Variants in NEK5 observed in about 807,000 individuals in gnomAD.
NEK5 encodes the protein serine/threonine-protein kinase Nek5.
NEK5 carries 88 observed loss-of-function variants against 109.2 expected under a neutral mutation model. The ratio of observed to expected loss-of-function variants is 0.81; its 90% CI spans 0.68 to 0.96. The LOEUF is 0.96. Among genes scored for constraint, NEK5 ranks in the 40% least tolerant of loss-of-function variants. NEK5 has a pLI of 0.00. For missense variants in NEK5, 834 were observed against 920.7 expected (o/e 0.91, Z 1.22); for synonymous variants, 283 against 299.9 (o/e 0.94, Z 0.58).
intron 21 of NEK5, chr13:52,064,748 T>C (rs886885682): frequency 1.7e-5 from 4 of 238,252 alleles, no homozygotes; most frequent in South Asian, 8.8e-5. Context: ...GAAGTAGACA[T>C]GGGAGACTTT....
chr13:52,089,917 G>A (rs1220551550), intron 13 of NEK5, among the ~76,000 whole-genome samples: 2 of 151,126 alleles, frequency 1.3e-5, no homozygotes, highest in African/African-American at 2.4e-5. Context: ...AGCCAAAATC[G>A]CACCACTGCA....
intron 3 of NEK5, among the ~76,000 whole-genome samples, chr13:52,121,871 CCAAA>C (rs1955976678): frequency 1.3e-5 from 2 of 151,442 alleles, no homozygotes; most frequent in Admixed American, 6.6e-5. Flanking sequence ...AAAAAACCAA[CCAAA>C]CAATGTAATT....
At chr13:52,070,232 C>T (rs1011919237) in intron 20 of NEK5, among the ~76,000 whole-genome samples, 5 of 152,044 alleles carry the variant, frequency 3.3e-5, no homozygotes, top group African/African-American at 1.2e-4. Flanking sequence ...GGAAAGAGGC[C>T]ATGCTGGGAT....
chr13:52,103,272 TA>T (rs1955579235), intron 9 of NEK5, among the ~76,000 whole-genome samples: 1 of 151,950 alleles, frequency 6.6e-6, no homozygotes, highest in South Asian at 2.1e-4. Context: ...CTACTAAAAA[TA>T]CAAAAAAATT....
intron 20 of NEK5, among the ~76,000 whole-genome samples, chr13:52,068,828 C>G (rs1404118280): frequency 2.6e-5 from 4 of 151,966 alleles, no homozygotes; most frequent in Non-Finnish European, 5.9e-5. Flanking sequence ...TAAAAATCAG[C>G]TAGGCGTGGT....
intron 4 of NEK5, among the ~76,000 whole-genome samples, chr13:52,117,972 T>A (rs576066915): frequency 6.6e-6 from 1 of 152,306 alleles, no homozygotes; most frequent in South Asian, 2.1e-4. Context: ...GTGGCTTTCC[T>A]TGAAAGTTAT....
intron 13 of NEK5, among the ~76,000 whole-genome samples, chr13:52,089,990 G>GA (rs990871588): frequency 2.6e-5 from 4 of 151,660 alleles, no homozygotes; most frequent in South Asian, 2.1e-4. Context: ...GAAAAGAAAA[G>GA]AAAAAAAAGA....
At chr13:52,088,208 C>CT (rs1341443699) in intron 14 of NEK5, among the ~76,000 whole-genome samples, 11 of 151,986 alleles carry the variant, frequency 7.2e-5, no homozygotes, top group Admixed American at 7.2e-4. Context: ...GGATTACAGG[C>CT]ATGAGCCATA....
At chr13:52,041,122 G>A (rs1327227767) in intron 23 of NEK5, among the ~76,000 whole-genome samples, 2 of 152,052 alleles carry the variant, frequency 1.3e-5, no homozygotes, top group Non-Finnish European at 2.9e-5. Context: ...AACAAAATGA[G>A]CCCACAAACT....
At chr13:52,110,781 A>C (rs1261298130) in intron 5 of NEK5, among the ~76,000 whole-genome samples, 1 of 152,212 alleles carries the variant, frequency 6.6e-6, no homozygotes, top group African/African-American at 2.4e-5. Context: ...AAATGGAGGC[A>C]CAGAAAAGTA....
chr13:52,117,079 C>T (rs776484112), intron 4 of NEK5, among the ~76,000 whole-genome samples: 2 of 152,086 alleles, frequency 1.3e-5, no homozygotes, highest in Admixed American at 6.6e-5. Flanking sequence ...CCACCATGCC[C>T]GGCTAAACGT....
intron 20 of NEK5, among the ~76,000 whole-genome samples, chr13:52,070,620 T>C (rs1954768529): frequency 6.6e-6 from 1 of 152,230 alleles, no homozygotes; most frequent in African/African-American, 2.4e-5. Flanking sequence ...TCCACCATGA[T>C]TGTGAGGCTT....
chr13:52,128,885 C>T (rs1956121708), intron 1 of NEK5, 144 bp downstream of exon 1: 1 of 152,350 alleles, frequency 6.6e-6, no homozygotes, highest in South Asian at 2.1e-4. Context: ...GACGCTACAC[C>T]CACACAGCCC....
intron 9 of NEK5, among the ~76,000 whole-genome samples, chr13:52,102,892 AC>A (rs1425360694): frequency 2.0e-5 from 3 of 152,188 alleles, no homozygotes; most frequent in Non-Finnish European, 4.4e-5. Context: ...AGTTATAAAG[AC>A]AGGGGAAAAT....
At chr13:52,086,671 A>C (rs1955149927) in intron 15 of NEK5, among the ~76,000 whole-genome samples, 1 of 152,130 alleles carries the variant, frequency 6.6e-6, no homozygotes. Context: ...CCCCAAAAAG[A>C]GATATGTTGA....
chr13:52,064,573 G>A (rs1320528524), intron 21 of NEK5, among the ~76,000 whole-genome samples: 1 of 152,002 alleles, frequency 6.6e-6, no homozygotes, highest in African/African-American at 2.4e-5. Flanking sequence ...CGCCCCTACT[G>A]GGATGTGAGG....
rs777864058 is a variant in NEK5 at position 52,127,454 on chromosome 13, A to G, written c.29T>C (p.Ile10Thr). Residue 10 changes from isoleucine to threonine, a missense_variant, in exon 3 of 24, where the codon ATC becomes ACC. Around this residue, in one of 2 missense-constraint regions of NEK5, gnomAD observed 777 missense variants for 824.7 expected, o/e 0.94. Transcript: ENST00000684899. MDKYDVIKAIGQGAFGKAYL... is the reference protein window; with the variant it reads MDKYDVIKATGQGAFGKAYL... ...TGCTTTCCCGAAGGCACCTTGCCCG[A>G]TGGCCTTAATCACATCGTACTTATC... is the stretch of plus-strand genomic sequence containing the variant. The G allele has an allele frequency of 6.2e-7, 1 of 1,610,742 alleles. No homozygotes were observed. Among genetic ancestry groups the G allele is most frequent in the South Asian group, 1.1e-5 (1 of 91,024 alleles).
Position 52,093,115 on chromosome 13 carries a change from C to G in NEK5, c.1147G>C (p.Glu383Gln). The part of the protein sequence containing the change: ...HKPSYHPIPQ[E>Q]NTGVEDYGQE... ...CCGTAATCCTCAACTCCAGTATTTT[C>G]TTGAGGAATAGGGTGATAACTTGGT... Residue 383 changes from glutamate (E) to glutamine (Q), a missense_variant, in exon 13 of 24, where the codon GAA (glutamate) becomes CAA (glutamine). This residue lies in a region of NEK5 where 777 missense variants were observed against 824.7 expected (regional missense o/e 0.94). Coordinates refer to ENST00000684899, the MANE Select transcript of NEK5 (RefSeq NM_001365552.1). 1 of 1,613,556 alleles carries G rather than the reference C, an allele frequency of 6.2e-7. No individual in the cohort carries two copies. The highest frequency in any genetic ancestry group is 8.5e-7 in the Non-Finnish European group (1 of 1,179,588).
rs1480025745 is a variant in NEK5, at chr13:52,050,065, C to G, written c.2228+39G>C. ...TCAACTGCAGCATTTTCACTTTGTA[C>G]CAGTGCTCGACTTAGGTATCGGCAA... On this transcript the variant is annotated intron_variant, in intron 23 of 23. Transcript: ENST00000684899. The G allele has an allele frequency of 6.7e-6, 5 of 740,884 alleles. No homozygotes were observed. In the East Asian group the frequency reaches 5.2e-4, roughly 77 times the overall value. The allele number at this position is 740,884 out of a possible 1,614,324, so 45.9% of individuals were successfully genotyped here.
Sources: gnomAD v4.1 joint callset for allele counts (sites outside exome capture counted in the v4.1 genomes callset) on GRCh38, gnomAD v4.1.1 for gene constraint, gnomAD v4.1.1 regional missense constraint, MANE v1.5 for transcripts, NCBI Gene and HGNC (gene_info 2026-07-23, HGNC 2026-07-21) for gene names.